FBLN1: variants seen among roughly 807,000 people sequenced by gnomAD.
The protein encoded by FBLN1 is fibulin-1.
In FBLN1, 34 loss-of-function variants were observed where a neutral mutation model predicts 89.7. That is an observed-to-expected ratio of 0.38 (90% CI 0.29 to 0.50). FBLN1 has a LOEUF of 0.50. Ranked by LOEUF, FBLN1 falls within the 20% of genes least tolerant of loss-of-function variation. The probability of loss-of-function intolerance (pLI) is 0.92; values close to 1 mark genes in which losing one functional copy is unlikely to be tolerated. For synonymous variants in FBLN1, 393 were observed against 391.3 expected, an observed-to-expected ratio of 1.00 and a Z score of -0.05; for missense variants, 777 against 988.1, an observed-to-expected ratio of 0.79 and a Z score of 2.86.
At chr22:45,569,199 TC>T (rs112066315) in intron 14 of FBLN1, among the ~76,000 whole-genome samples, 3 of 151,480 alleles carry the variant, frequency 2.0e-5, no homozygotes, top group Non-Finnish European at 2.9e-5. Context: ...CTGAATTGTG[TC>T]CCCCCCCAAA....
At position 45,580,860 on chromosome 22, in the gene FBLN1, G is replaced by A. The variant is rs1300093641; in HGVS notation, c.1972+3752G>A. Among the ~76,000 whole-genome samples the A allele has an allele frequency of 2.6e-5, 4 of 152,234 alleles. No individual in the cohort carries two copies. Among genetic ancestry groups the A allele is most frequent in the African/African-American group, 7.2e-5 (3 of 41,464 alleles). On this transcript the variant is annotated intron_variant, in intron 16 of 16. Coordinates refer to ENST00000327858, the MANE Select transcript of FBLN1 (RefSeq NM_006486.3). This position sits in a 1 kb window ranked among gnomAD's most constrained non-coding sequence, Gnocchi z 8.6. ...CCGGGTCGTCCTCTAATGTAGCCTT[G>A]AAAGACCCGTTCTTAGCGGGGATCG...
chr22:45,563,493 G>A lies in FBLN1; in HGVS notation c.1698-11018G>A. The A allele has an allele frequency of 1.1e-6, 1 of 874,686 alleles. No homozygotes were observed. Among genetic ancestry groups the A allele is most frequent in the East Asian group, 2.7e-5 (1 of 36,400 alleles). The allele number at this position is 874,686 out of a possible 1,614,324, so 54.2% of individuals were successfully genotyped here. On this transcript the variant is annotated intron_variant, in intron 14 of 16. Coordinates refer to ENST00000327858, the MANE Select transcript of FBLN1 (RefSeq NM_006486.3). This position sits in a 1 kb window ranked among gnomAD's most constrained non-coding sequence, Gnocchi z 5.7. The stretch of plus-strand genomic sequence containing the variant: ...TGAGGAGCGCTCCCCACTAGAGGGT[G>A]TGTGCTCGGGGGTCCCTGTTCACAG...
chr22:45,523,716 A>C (rs144662890), intron 2 of FBLN1, among the ~76,000 whole-genome samples: 1 of 152,168 alleles, frequency 6.6e-6, no homozygotes, highest in Admixed American at 6.5e-5. Context: ...AAACAAAACA[A>C]AACAAAACAA....
Position 45,502,892 on chromosome 22 carries a change from C to G in FBLN1, c.-94C>G, listed in dbSNP as rs1031652404. On this transcript the variant is annotated 5_prime_UTR_variant, in exon 1 of 17. Coordinates refer to ENST00000327858, the MANE Select transcript of FBLN1 (RefSeq NM_006486.3). ...GCGGCCCTGGCCCAGCGTTGGCTGCCGAGGCTCGGCCGGAGCGTGGAGCCC... is the reference window on the plus strand; with the variant it reads ...GCGGCCCTGGCCCAGCGTTGGCTGCGGAGGCTCGGCCGGAGCGTGGAGCCC... The G allele has an allele frequency of 1.9e-5, 8 of 427,070 alleles. No individual in the cohort carries two copies. The highest frequency in any genetic ancestry group is 1.2e-4 in the Admixed American group (2 of 16,426). 26.5% of individuals were successfully genotyped at this position (427,070 alleles called of 1,614,324 possible).
intron 11 of FBLN1, among the ~76,000 whole-genome samples, chr22:45,544,633 C>A (rs1328365705): frequency 1.3e-5 from 2 of 152,190 alleles, no homozygotes; most frequent in Admixed American, 1.3e-4. Context: ...AGAGAAAATT[C>A]TTTTGGCAGC....
intron 2 of FBLN1, among the ~76,000 whole-genome samples, chr22:45,524,955 A>T (rs1009766530): frequency 2.6e-5 from 4 of 152,078 alleles, no homozygotes; most frequent in Admixed American, 2.6e-4. Flanking sequence ...GTGGTGGCGC[A>T]TGCCTGTAGT....
At position 45,590,930 on chromosome 22, in the gene FBLN1, G is replaced by C. The variant is rs2089131129; in HGVS notation, c.1973-9377G>C. Among the ~76,000 whole-genome samples the C allele has an allele frequency of 6.6e-6, 1 of 151,902 alleles. No homozygotes were observed. The highest frequency in any genetic ancestry group is 1.5e-5 in the Non-Finnish European group (1 of 67,996). On this transcript the variant is annotated intron_variant, in intron 16 of 16. Coordinates refer to ENST00000327858, the MANE Select transcript of FBLN1 (RefSeq NM_006486.3). This position sits in a 1 kb window ranked among gnomAD's most constrained non-coding sequence, Gnocchi z 4.1. The stretch of plus-strand genomic sequence containing the variant: ...GAAATTGGAGTGGACTCCGAGTTTG[G>C]GTCGGGGGCCCAGGAGGACCCCACC...
chr22:45,544,126 A>T (rs549106207), intron 11 of FBLN1, among the ~76,000 whole-genome samples: 1 of 151,270 alleles, frequency 6.6e-6, no homozygotes, highest in South Asian at 2.1e-4. Flanking sequence ...TCGCTCTGTC[A>T]CCCAGGCTGG....
chr22:45,554,119 T>A (rs541296930), intron 14 of FBLN1, among the ~76,000 whole-genome samples: 1 of 152,330 alleles, frequency 6.6e-6, no homozygotes, highest in South Asian at 2.1e-4. Context: ...GCATCCTCAA[T>A]GGGCGTCTGT....
rs535271504 is a variant in FBLN1 at position 45,549,687 on chromosome 22, C to T, written c.1574-805C>T. Reference sequence around the variant, plus strand: ...GGCTGGGGAGTGTTGTTTTTGCCACCGATGCTCAGGCATTTGGCACCTCTT... The same window carrying T: ...GGCTGGGGAGTGTTGTTTTTGCCACTGATGCTCAGGCATTTGGCACCTCTT... On this transcript the variant is annotated intron_variant, in intron 13 of 16. Coordinates refer to ENST00000327858, the MANE Select transcript of FBLN1 (RefSeq NM_006486.3). This position sits in a 1 kb window ranked among gnomAD's most constrained non-coding sequence, Gnocchi z 5.7. Among the ~76,000 whole-genome samples, 31 of 152,248 alleles carry T rather than the reference C, an allele frequency of 2.0e-4. No individual in the cohort carries two copies. Among genetic ancestry groups the T allele is most frequent in the African/African-American group, 5.5e-4 (23 of 41,534 alleles).
intron 14 of FBLN1, among the ~76,000 whole-genome samples, chr22:45,554,183 A>C (rs1242742287): frequency 6.6e-6 from 1 of 152,210 alleles, no homozygotes. Context: ...GAGCGAGTGG[A>C]AGGAAAGTCT....
Position 45,600,339 on chromosome 22 carries a change from C to T in FBLN1, c.2005C>T (p.Pro669Ser). ...GCGCCAGGTGCGGCCCATCGTGGGC[C>T]CATTTCATGCCGTCCTGAAGCTGGA... ...VVRQVRPIVG[P>S]FHAVLKLEMN... Residue 669 changes from proline to serine, a missense_variant, in exon 17 of 17, where the codon CCA (proline) becomes TCA (serine). Transcript: ENST00000327858. The T allele has an allele frequency of 6.2e-7, 1 of 1,614,178 alleles. No individual in the cohort carries two copies. Among genetic ancestry groups the T allele is most frequent in the Non-Finnish European group, 8.5e-7 (1 of 1,180,024 alleles).
intron 14 of FBLN1, among the ~76,000 whole-genome samples, chr22:45,553,857 A>C (rs1307519930): frequency 6.6e-6 from 1 of 152,166 alleles, no homozygotes; most frequent in Non-Finnish European, 1.5e-5. Flanking sequence ...CCTCTGGCAA[A>C]ACAAATTCCA....
At chr22:45,522,511 G>A (rs990898918) in intron 2 of FBLN1, among the ~76,000 whole-genome samples, 7 of 152,170 alleles carry the variant, frequency 4.6e-5, no homozygotes, top group African/African-American at 1.7e-4. Context: ...TCCCTGAGTG[G>A]GTGAGAGGCT....
intron 14 of FBLN1, among the ~76,000 whole-genome samples, chr22:45,552,145 G>A (rs2088710943): frequency 6.6e-6 from 1 of 152,252 alleles, no homozygotes; most frequent in Non-Finnish European, 1.5e-5. Flanking sequence ...AGCCCACAGA[G>A]GGCTTTGTCC....
chr22:45,518,583 C>G (rs1289614467), intron 1 of FBLN1, 99 bp from the exon 2 acceptor site: 1 of 890,290 alleles, frequency 1.1e-6, no homozygotes, highest in South Asian at 1.4e-5. Context: ...ATGCTGTCGT[C>G]AAGACAGAAG....
chr22:45,543,423 C>T lies in FBLN1; in HGVS notation c.1218C>T (p.Tyr406=). 6.2e-7 allele frequency: 1 copy of T among 1,613,466 alleles called. No individual in the cohort carries two copies. The highest frequency in any genetic ancestry group is 1.3e-5 in the African/African-American group (1 of 75,048). Residue 406 remains tyrosine, a synonymous_variant, in exon 11 of 17, where the codon TAC becomes TAT. Coordinates refer to ENST00000327858, the MANE Select transcript of FBLN1 (RefSeq NM_006486.3). ...MCVDVNECQR[Y]PGRLCGHKCE... is the part of the protein sequence containing the mutation. ...CAGATGTCAACGAGTGCCAGCGCTA[C>T]CCCGGGCGCCTGTGTGGCCACAAGT...
Position 45,574,419 on chromosome 22 carries a change from T to A in FBLN1, c.1698-92T>A. 7.0e-7 allele frequency: 1 copy of A among 1,422,016 alleles called. No individual in the cohort carries two copies. Among genetic ancestry groups the A allele is most frequent in the Non-Finnish European group, 9.8e-7 (1 of 1,017,144 alleles). 88.1% of individuals were successfully genotyped at this position (1,422,016 alleles called of 1,614,324 possible). ...GTCTCTGGGACAGATGCCCCTGCCC[T>A]GGCCACCTGCTCCTCCTCCCTAGAC... On this transcript the variant is annotated intron_variant, in intron 14 of 16. Coordinates refer to ENST00000327858, the MANE Select transcript of FBLN1 (RefSeq NM_006486.3). This position sits in a 1 kb window ranked among gnomAD's most constrained non-coding sequence, Gnocchi z 4.1.
chr22:45,531,185 G>T lies in FBLN1; in HGVS notation c.485-80G>T. 8.0e-7 allele frequency: 1 copy of T among 1,244,752 alleles called. No homozygotes were observed. Among genetic ancestry groups the T allele is most frequent in the East Asian group, 2.3e-5 (1 of 43,114 alleles). 77.1% of individuals were successfully genotyped at this position (1,244,752 alleles called of 1,614,324 possible). On this transcript the variant is annotated intron_variant, in intron 4 of 16. Coordinates refer to ENST00000327858, the MANE Select transcript of FBLN1 (RefSeq NM_006486.3). This position sits in a 1 kb window ranked among gnomAD's most constrained non-coding sequence, Gnocchi z 4.9. Reference sequence around the variant, plus strand: ...GGGCATTACTGCCTGATAGTGACAAGAAGAGAGAATGTTGGGAGTTTCTTT... The same window carrying T: ...GGGCATTACTGCCTGATAGTGACAATAAGAGAGAATGTTGGGAGTTTCTTT...
Sources: allele counts gnomAD v4.1 joint callset (sites outside exome capture counted in the v4.1 genomes callset), GRCh38; gene constraint gnomAD v4.1.1; non-coding constraint Gnocchi (gnomAD v3.1); transcripts MANE v1.5; gene names NCBI Gene and HGNC (gene_info 2026-07-23, HGNC 2026-07-21).